CA12: variants seen among roughly 807,000 people sequenced by gnomAD.
CA12 encodes carbonic anhydrase 12, also known as carbonate dehydratase XII.
Under a neutral mutation model 46.8 loss-of-function variants are expected in CA12, and 36 were observed. The ratio of observed to expected loss-of-function variants is 0.77; its 90% CI spans 0.59 to 1.02. The LOEUF (loss-of-function observed/expected upper bound fraction) is 1.02, where lower values mean the gene tolerates loss of function less well. Ranked by LOEUF, CA12 falls within the 50% of genes least tolerant of loss-of-function variation. CA12 has a pLI of 0.00. For synonymous variants in CA12, 202 were observed against 187.0 expected (o/e 1.08, Z -0.65); for missense variants, 436 against 451.4 (o/e 0.97, Z 0.31).
At position 63,340,943 on chromosome 15, in the gene CA12, A is replaced by G. The variant is rs1201126309; in HGVS notation, c.526-160T>C. Among the ~76,000 whole-genome samples, 3 of 152,126 alleles carry G rather than the reference A, an allele frequency of 2.0e-5. No individual in the cohort carries two copies. The highest frequency in any genetic ancestry group is 4.4e-5 in the Non-Finnish European group (3 of 68,024). Reference sequence around the variant, plus strand: ...TATGATGGATCACTAGGCTCTTGGGAGTTAGTGTAATGGTCCTGCCTCTTG... The same window carrying G: ...TATGATGGATCACTAGGCTCTTGGGGGTTAGTGTAATGGTCCTGCCTCTTG... On this transcript the variant is annotated intron_variant, in intron 5 of 10. Coordinates refer to ENST00000178638, the MANE Select transcript of CA12 (RefSeq NM_001218.5). This position sits in a 1 kb window ranked among gnomAD's most constrained non-coding sequence, Gnocchi z 4.4.
Position 63,327,288 on chromosome 15 carries a change from C to T in CA12, c.908-55G>A. On this transcript the variant is annotated intron_variant, in intron 9 of 10. Transcript: ENST00000178638. The surrounding 1 kb of genome is among the most constrained non-coding windows in gnomAD (Gnocchi z 4.5). ...ATTCCTTCCTTCCCCTCCATCTTAG[C>T]CCATGGCCCCCGGGTGTGAAATCAT... The T allele has an allele frequency of 1.4e-6, 2 of 1,398,770 alleles. No individual in the cohort carries two copies. Among genetic ancestry groups the T allele is most frequent in the African/African-American group, 1.4e-5 (1 of 70,348 alleles). The allele number at this position is 1,398,770 out of a possible 1,614,324, so 86.6% of individuals were successfully genotyped here.
intron 10 of CA12, 104 bp from the exon 11 acceptor site, chr15:63,326,461 C>T: frequency 1.1e-6 from 1 of 883,432 alleles, no homozygotes; most frequent in Admixed American, 1.8e-5. Flanking sequence ...AAGTTGGATT[C>T]CTCTCTTTGG....
At chr15:63,362,410 C>T (rs28396405) in intron 2 of CA12, among the ~76,000 whole-genome samples, 5,189 of 152,266 alleles carry the variant, frequency 0.034, 265 homozygotes, top group African/African-American at 0.11. Context: ...ACATCTTCCA[C>T]GACAGCAGCT....
chr15:63,353,378 G>C (rs58324314), intron 2 of CA12, among the ~76,000 whole-genome samples: 8,805 of 152,242 alleles, frequency 0.058, 859 homozygotes, highest in African/African-American at 0.2. Context: ...CTGCAGTGGA[G>C]AGGCTGGTAT....
At position 63,322,306 on chromosome 15, in the gene CA12, GA is replaced by G. The variant is rs1005015293; in HGVS notation, c.*3978del. 6.6e-6 allele frequency: 1 copy of G among 150,696 alleles called. No homozygotes were observed. The highest frequency in any genetic ancestry group is 1.5e-5 in the Non-Finnish European group (1 of 67,770). 9.3% of individuals were successfully genotyped at this position (150,696 alleles called of 1,614,324 possible). A position where few individuals can be genotyped will look rare whatever the true frequency, so the allele number is the denominator to read the frequency against. ...CACCAGATTTCAAAGATTTACTGCA[GA>G]AAAAAACACATGAAAATACTGGTTA... On this transcript the variant is annotated 3_prime_UTR_variant, in exon 11 of 11. Coordinates refer to ENST00000178638, the MANE Select transcript of CA12 (RefSeq NM_001218.5). The surrounding 1 kb of genome is among the most constrained non-coding windows in gnomAD (Gnocchi z 4.1).
In CA12 at chr15:63,373,396, CAAT is replaced by C. The variant is rs1422448367; in HGVS notation, c.106+2259_106+2261del. Reference sequence around the variant, plus strand: ...AAATTTGTCCTCCCACACCTTCACACAATGTCTCTGTTCCCTGTCGCCATCTCA... The same window carrying C: ...AAATTTGTCCTCCCACACCTTCACACGTCTCTGTTCCCTGTCGCCATCTCA... On this transcript the variant is annotated intron_variant, in intron 2 of 10. Coordinates refer to ENST00000178638, the MANE Select transcript of CA12 (RefSeq NM_001218.5). This position sits in a 1 kb window ranked among gnomAD's most constrained non-coding sequence, Gnocchi z 4.9. Among the ~76,000 whole-genome samples, 5 of 151,946 alleles carry C rather than the reference CAAT, an allele frequency of 3.3e-5. No homozygotes were observed. The highest frequency in any genetic ancestry group is 2.6e-4 in the Admixed American group (4 of 15,248).
chr15:63,375,513 T>C, intron 2 of CA12, 145 bp downstream of exon 2: 1 of 638,334 alleles, frequency 1.6e-6, no homozygotes, highest in East Asian at 2.8e-5. Flanking sequence ...AGGAGATGCC[T>C]TTGTACTCTC....
At position 63,370,105 on chromosome 15, in the gene CA12, C is replaced by T. The variant is rs572544247; in HGVS notation, c.106+5553G>A. 8.9e-4 allele frequency among the ~76,000 whole-genome samples: 136 copies of T among 152,214 alleles called. 1 individual carries two copies. Among genetic ancestry groups the T allele is most frequent in the Non-Finnish European group, 1.2e-3 (84 of 68,014 alleles). On this transcript the variant is annotated intron_variant, in intron 2 of 10. Coordinates refer to ENST00000178638, the MANE Select transcript of CA12 (RefSeq NM_001218.5). The stretch of plus-strand genomic sequence containing the variant: ...ACAGATTTAATTCAAGATAGGGGGT[C>T]GGATTTCTAACCCCAGCAGAAATCC...
chr15:63,328,214 ATTTG>A lies in CA12; in HGVS notation c.875-88_875-85del, dbSNP rs1567040117. 6 of 1,293,406 alleles carry A rather than the reference ATTTG, an allele frequency of 4.6e-6. No homozygotes were observed. Among genetic ancestry groups the A allele is most frequent in the Non-Finnish European group, 4.5e-6 (4 of 892,148 alleles). The allele number at this position is 1,293,406 out of a possible 1,614,324, so 80.1% of individuals were successfully genotyped here. A position where few individuals can be genotyped will look rare whatever the true frequency, so the allele number is the denominator to read the frequency against. On this transcript the variant is annotated intron_variant, in intron 8 of 10. Transcript: ENST00000178638. The surrounding 1 kb of genome is among the most constrained non-coding windows in gnomAD (Gnocchi z 5.9). ...GCAGCGTGTTGAGAGACGCTCTACCATTTGTTTGGTCTTAGGCTGACAGACCTCT... is the reference window on the plus strand; with the variant it reads ...GCAGCGTGTTGAGAGACGCTCTACCATTTGGTCTTAGGCTGACAGACCTCT...
chr15:63,334,835 C>A (rs1036824388), intron 8 of CA12, among the ~76,000 whole-genome samples: 1 of 152,146 alleles, frequency 6.6e-6, no homozygotes, highest in Non-Finnish European at 1.5e-5. Context: ...AAAAAAGAAT[C>A]TATACTTGAA....
chr15:63,340,812 G>C lies in CA12; in HGVS notation c.526-29C>G. 1.2e-6 allele frequency: 2 copies of C among 1,603,006 alleles called. No individual in the cohort carries two copies. Among genetic ancestry groups the C allele is most frequent in the Non-Finnish European group, 1.7e-6 (2 of 1,169,870 alleles). On this transcript the variant is annotated intron_variant, in intron 5 of 10. Coordinates refer to ENST00000178638, the MANE Select transcript of CA12 (RefSeq NM_001218.5). The surrounding 1 kb of genome is among the most constrained non-coding windows in gnomAD (Gnocchi z 4.4). ...CAACAGAGACAGGGCAGGTTAAACT[G>C]GGACAGAACAGGATAGGCTGAGCCA...
chr15:63,360,647 C>A (rs1286411463), intron 2 of CA12, among the ~76,000 whole-genome samples: 5 of 152,204 alleles, frequency 3.3e-5, no homozygotes, highest in African/African-American at 1.2e-4. Context: ...CCCTAAAACA[C>A]TCACCACCCA....
intron 2 of CA12, among the ~76,000 whole-genome samples, chr15:63,350,573 C>A (rs935567348): frequency 5.9e-5 from 9 of 152,188 alleles, no homozygotes; most frequent in Non-Finnish European, 2.9e-5. Flanking sequence ...GGCATTATTT[C>A]TTTCCTGTCT....
chr15:63,352,504 A>G (rs913750987), intron 2 of CA12, among the ~76,000 whole-genome samples: 2 of 152,214 alleles, frequency 1.3e-5, no homozygotes, highest in Non-Finnish European at 2.9e-5. Context: ...CAGGCACCAG[A>G]GTCAACATTA....
chr15:63,342,429 C>T (rs530603184), intron 4 of CA12, among the ~76,000 whole-genome samples: 10 of 152,254 alleles, frequency 6.6e-5, no homozygotes, highest in African/African-American at 1.7e-4. Flanking sequence ...GACTGGCAAT[C>T]GGTTGAGAGT....
chr15:63,345,703 A>T lies in CA12; in HGVS notation c.287-84T>A. On this transcript the variant is annotated intron_variant, in intron 3 of 10. Coordinates refer to ENST00000178638, the MANE Select transcript of CA12 (RefSeq NM_001218.5). This position sits in a 1 kb window ranked among gnomAD's most constrained non-coding sequence, Gnocchi z 4.3. ...CAGTCAGGTAGGCAATGCTCCCTCCACCCCTGCTGCCACCCCCTGGAGCCC... is the reference window on the plus strand; with the variant it reads ...CAGTCAGGTAGGCAATGCTCCCTCCTCCCCTGCTGCCACCCCCTGGAGCCC... The T allele has an allele frequency of 6.6e-7, 1 of 1,510,754 alleles. No individual in the cohort carries two copies. The highest frequency in any genetic ancestry group is 8.9e-7 in the Non-Finnish European group (1 of 1,121,082). The allele number at this position is 1,510,754 out of a possible 1,614,324, so 93.6% of individuals were successfully genotyped here. A position where few individuals can be genotyped will look rare whatever the true frequency, so the allele number is the denominator to read the frequency against.
At chr15:63,354,589 G>A (rs1282488430) in intron 2 of CA12, among the ~76,000 whole-genome samples, 2 of 152,102 alleles carry the variant, frequency 1.3e-5, no homozygotes, top group African/African-American at 4.8e-5. Context: ...TCTACATGCA[G>A]ACACCATCCT....
chr15:63,351,555 C>T (rs1036152817), intron 2 of CA12, among the ~76,000 whole-genome samples: 5 of 152,228 alleles, frequency 3.3e-5, no homozygotes, highest in Admixed American at 2.0e-4. Context: ...CCAGCCTGCC[C>T]CATGCTTCAG....
chr15:63,336,543 C>CTTTTTTTTT (rs71998323), intron 8 of CA12, among the ~76,000 whole-genome samples: 3 of 86,182 alleles, frequency 3.5e-5, no homozygotes, highest in African/African-American at 1.0e-4. Context: ...TCCAACCTGG[C>CTTTTTTTTT]TTTTTTTTTT....
Sources: gnomAD v4.1 joint callset for allele counts (sites outside exome capture counted in the v4.1 genomes callset) on GRCh38, gnomAD v4.1.1 for gene constraint, Gnocchi (gnomAD v3.1) non-coding constraint, MANE v1.5 for transcripts, NCBI Gene and HGNC (gene_info 2026-07-23, HGNC 2026-07-21) for gene names.